The following GABPB2 variants were observed in gnomAD, a reference collection of about 807,000 sequenced individuals.
GABPB2 encodes the protein GA binding protein transcription factor subunit beta 2, also known as GA-binding protein subunit beta-2.
Under a neutral mutation model 39.1 loss-of-function variants are expected in GABPB2, and 23 were observed. The observed-to-expected ratio is 0.59, with a 90% CI of 0.42 to 0.83. The LOEUF is 0.83. Among genes scored for constraint, GABPB2 ranks in the 40% least tolerant of loss-of-function variants. GABPB2 has a pLI of 0.00. For synonymous variants in GABPB2, 184 were observed against 199.3 expected (o/e 0.92, Z 0.65); for missense variants, 467 against 541.1 (o/e 0.86, Z 1.36).
chr1:151,093,369 A>C lies in GABPB2; in HGVS notation c.454A>C (p.Ile152Leu). Reference protein sequence around the residue: ...DIALEKNNAEILVILQEAMQN... With the variant: ...DIALEKNNAELLVILQEAMQN... ...AGCTCTGGAGAAAAACAATGCTGAG[A>C]TTTTGGTCATCCTCCAGGTGTGGTT... is the stretch of plus-strand genomic sequence containing the variant. The change falls in exon 4 of 9, where the codon ATT becomes CTT. Residue 152 changes from isoleucine to leucine, a missense_variant. Physicochemically the swap from Ile to Leu is conservative, Grantham distance 5. Coordinates refer to ENST00000368918, the MANE Select transcript of GABPB2 (RefSeq NM_144618.3). The C allele has an allele frequency of 6.3e-7, 1 of 1,599,846 alleles. No homozygotes were observed. The highest frequency in any genetic ancestry group is 1.3e-5 in the African/African-American group (1 of 74,264).
At chr1:151,103,957 C>T (rs961580496) in intron 6 of GABPB2, among the ~76,000 whole-genome samples, 1 of 152,092 alleles carries the variant, frequency 6.6e-6, no homozygotes, top group Non-Finnish European at 1.5e-5. Context: ...AATGTCTATT[C>T]TCATATTAGC....
At chr1:151,113,223 C>T (rs1261345050) in intron 7 of GABPB2, among the ~76,000 whole-genome samples, 1 of 151,826 alleles carries the variant, frequency 6.6e-6, no homozygotes, top group Non-Finnish European at 1.5e-5. Context: ...AATCCCAGCA[C>T]TTTGGGAGGC....
chr1:151,104,936 ACT>A (rs1402295392), intron 6 of GABPB2, among the ~76,000 whole-genome samples: 2 of 141,074 alleles, frequency 1.4e-5, no homozygotes, highest in Non-Finnish European at 3.0e-5. Flanking sequence ...ACAGAGTCTC[ACT>A]CTGTCACCCA....
chr1:151,125,076 C>G lies in GABPB2; in HGVS notation c.*6820C>G, dbSNP rs1456149156. On this transcript the variant is annotated 3_prime_UTR_variant, in exon 9 of 9. Transcript: ENST00000368918. ...GGGCCTTGTCTTTTCTCTCTCCGTT[C>G]CCCTCCTTCCCTACCACATATTTTT... The G allele has an allele frequency of 6.6e-6, 1 of 152,122 alleles. No homozygotes were observed. The highest frequency in any genetic ancestry group is 1.5e-5 in the Non-Finnish European group (1 of 68,038). The allele number at this position is 152,122 out of a possible 1,614,324, so 9.4% of individuals were successfully genotyped here.
chr1:151,094,051 T>G (rs1331553934), intron 4 of GABPB2, among the ~76,000 whole-genome samples: 2 of 139,020 alleles, frequency 1.4e-5, no homozygotes, highest in Admixed American at 1.5e-4. Context: ...TCCTTTTTTT[T>G]TTTTTTTTTT....
At chr1:151,072,456 CTG>C (rs1676809636) in intron 1 of GABPB2, among the ~76,000 whole-genome samples, 1 of 152,112 alleles carries the variant, frequency 6.6e-6, no homozygotes, top group Non-Finnish European at 1.5e-5. Flanking sequence ...ACTCGGGAAA[CTG>C]AGGTGGGAGG....
At chr1:151,093,015 A>G (rs1462384544) in intron 3 of GABPB2, among the ~76,000 whole-genome samples, 177 bp from the exon 4 acceptor site, 3 of 152,158 alleles carry the variant, frequency 2.0e-5, no homozygotes, top group Non-Finnish European at 4.4e-5. Flanking sequence ...CGTTGAAAGC[A>G]TTATGTCTGT....
intron 4 of GABPB2, among the ~76,000 whole-genome samples, chr1:151,095,779 A>G (rs1002685682): frequency 5.9e-5 from 9 of 152,212 alleles, no homozygotes; most frequent in Admixed American, 5.9e-4. Flanking sequence ...CACGCCTGTA[A>G]TCCTAGCACT....
chr1:151,103,493 T>C, intron 5 of GABPB2, 69 bp from the exon 6 acceptor site: 2 of 973,654 alleles, frequency 2.1e-6, no homozygotes, highest in Non-Finnish European at 1.6e-6. Context: ...TTTGATTTAA[T>C]AAGCTGTTTT....
rs1190739846 is a variant in GABPB2 at position 151,123,988 on chromosome 1, C to T, written c.*5732C>T. 1 of 142,944 alleles carries T rather than the reference C, an allele frequency of 7.0e-6. No homozygotes were observed. The highest frequency in any genetic ancestry group is 2.6e-5 in the African/African-American group (1 of 38,662). 8.9% of individuals were successfully genotyped at this position (142,944 alleles called of 1,614,324 possible). A position where few individuals can be genotyped will look rare whatever the true frequency, so the allele number is the denominator to read the frequency against. ...TTGAGGCCAGGCCAGCGTGGTGAAA[C>T]TCAGTCTCTACTAAAAATACAAAAA... On this transcript the variant is annotated 3_prime_UTR_variant, in exon 9 of 9. Coordinates refer to ENST00000368918, the MANE Select transcript of GABPB2 (RefSeq NM_144618.3).
Position 151,120,214 on chromosome 1 carries a change from C to G in GABPB2, c.*1958C>G, listed in dbSNP as rs1681132709. 6.6e-6 allele frequency: 1 copy of G among 152,202 alleles called. No homozygotes were observed. Among genetic ancestry groups the G allele is most frequent in the Admixed American group, 6.6e-5 (1 of 15,258 alleles). 9.4% of individuals were successfully genotyped at this position (152,202 alleles called of 1,614,324 possible). A position where few individuals can be genotyped will look rare whatever the true frequency, so the allele number is the denominator to read the frequency against. ...ATTCACCTGGCGAGGTGGCAGGCACCTGGAATCCCAGCTACTCGGGAGGCT... is the reference window on the plus strand; with the variant it reads ...ATTCACCTGGCGAGGTGGCAGGCACGTGGAATCCCAGCTACTCGGGAGGCT... On this transcript the variant is annotated 3_prime_UTR_variant, in exon 9 of 9. Coordinates refer to ENST00000368918, the MANE Select transcript of GABPB2 (RefSeq NM_144618.3).
intron 3 of GABPB2, among the ~76,000 whole-genome samples, chr1:151,092,690 C>T (rs1678818213): frequency 6.6e-6 from 1 of 151,612 alleles, no homozygotes; most frequent in Non-Finnish European, 1.5e-5. Flanking sequence ...TCTCCTACCT[C>T]AGCCTCCCCT....
At chr1:151,106,337 G>T (rs963682801) in intron 6 of GABPB2, among the ~76,000 whole-genome samples, 12 of 151,006 alleles carry the variant, frequency 7.9e-5, no homozygotes, top group Admixed American at 2.6e-4. Context: ...AGCATATCTG[G>T]TTTTTTTGTT....
rs1681322171 is a variant in GABPB2, at chr1:151,125,003, G to A, written c.*6747G>A. 1 of 150,124 alleles carries A rather than the reference G, an allele frequency of 6.7e-6. No homozygotes were observed. Among genetic ancestry groups the A allele is most frequent in the South Asian group, 2.1e-4 (1 of 4,786 alleles). The allele number at this position is 150,124 out of a possible 1,614,324, so 9.3% of individuals were successfully genotyped here. A position where few individuals can be genotyped will look rare whatever the true frequency, so the allele number is the denominator to read the frequency against. Reference sequence around the variant, plus strand: ...GATTCCATTGTTCCTATCTCATTGAGGCTTTCCCAGGCATTCGAATTTAGT... The same window carrying A: ...GATTCCATTGTTCCTATCTCATTGAAGCTTTCCCAGGCATTCGAATTTAGT... On this transcript the variant is annotated 3_prime_UTR_variant, in exon 9 of 9. Transcript: ENST00000368918.
In GABPB2 at chr1:151,099,398, G is replaced by A. The variant is rs369195414; in HGVS notation, c.622+1396G>A. ...TTTTTACTAGAGATGGGGTTTCACC[G>A]TGTTAGCCAGGATGGTCTTGATCTC... On this transcript the variant is annotated intron_variant, in intron 5 of 8. Coordinates refer to ENST00000368918, the MANE Select transcript of GABPB2 (RefSeq NM_144618.3). 1.6e-4 allele frequency among the ~76,000 whole-genome samples: 25 copies of A among 151,996 alleles called. 1 individual carries two copies. The East Asian group carries it at 3.3e-3, about 20-fold the overall frequency.
intron 1 of GABPB2, among the ~76,000 whole-genome samples, chr1:151,073,748 C>T (rs978566369): frequency 1.3e-5 from 2 of 151,654 alleles, no homozygotes; most frequent in African/African-American, 2.4e-5. Context: ...GGTGAAACCC[C>T]GTCTCTAATA....
chr1:151,110,949 C>G (rs976925436), intron 7 of GABPB2, among the ~76,000 whole-genome samples: 10 of 152,136 alleles, frequency 6.6e-5, no homozygotes, highest in Non-Finnish European at 1.5e-4. Context: ...CTGCCAAACC[C>G]AATGATTATG....
intron 1 of GABPB2, among the ~76,000 whole-genome samples, chr1:151,074,686 C>T (rs1019836359): frequency 2.0e-5 from 3 of 152,088 alleles, no homozygotes; most frequent in African/African-American, 7.2e-5. Flanking sequence ...GCTGCCATGG[C>T]ATGGCACTGG....
chr1:151,123,345 C>T lies in GABPB2; in HGVS notation c.*5089C>T, dbSNP rs939035334. 6.6e-6 allele frequency: 1 copy of T among 151,966 alleles called. No individual in the cohort carries two copies. The highest frequency in any genetic ancestry group is 2.4e-5 in the African/African-American group (1 of 41,326). 9.4% of individuals were successfully genotyped at this position (151,966 alleles called of 1,614,324 possible). A position where few individuals can be genotyped will look rare whatever the true frequency, so the allele number is the denominator to read the frequency against. On this transcript the variant is annotated 3_prime_UTR_variant, in exon 9 of 9. Transcript: ENST00000368918. ...TGGCATACGCCTGTAGTCCCAGCTA[C>T]TCTGGAGGCTGAAACAGGAGAATTG...
Sources: gnomAD v4.1 joint callset for allele counts (sites outside exome capture counted in the v4.1 genomes callset) on GRCh38, gnomAD v4.1.1 for gene constraint, MANE v1.5 for transcripts, NCBI Gene and HGNC (gene_info 2026-07-23, HGNC 2026-07-21) for gene names.